KCNQ1OT1: variants seen among roughly 807,000 people sequenced by gnomAD.
KCNQ1OT1 encodes the protein KCNQ1 antisense RNA 2 (non-protein coding).
At chr11:2,616,713 C>A in exon 1 of KCNQ1OT1, 1 of 398,142 alleles carries the variant, frequency 2.5e-6, no homozygotes, top group Non-Finnish European at 4.4e-6. Context: ...TCTTCTGTTA[C>A]AGATTTCTGG....
rs1250757750 is a variant in KCNQ1OT1, at chr11:2,651,918, TCTC to T, written n.48074_48076del. 7.5e-6 allele frequency: 3 copies of T among 398,732 alleles called. No homozygotes were observed. The highest frequency in any genetic ancestry group is 3.6e-5 in the East Asian group (1 of 28,072). The allele number at this position is 398,732 out of a possible 1,614,324, so 24.7% of individuals were successfully genotyped here. On this transcript the variant is annotated non_coding_transcript_exon_variant, in exon 1 of 1. Coordinates refer to ENST00000597346, the Ensembl canonical transcript of KCNQ1OT1. This position sits in a 1 kb window ranked among gnomAD's most constrained non-coding sequence, Gnocchi z 6.1. ...CGAGGGTCCCTCTGGGGCCGCTTGC[TCTC>T]CTCCTACTCACAGCCCTCCTGCAGC...
chr11:2,666,124 C>T (rs1014192564), exon 1 of KCNQ1OT1: 1 of 398,560 alleles, frequency 2.5e-6, no homozygotes, highest in East Asian at 3.6e-5. Flanking sequence ...TGAAGGGCCC[C>T]TGTCTCTTCT....
chr11:2,630,846 T>A (rs771804438), exon 1 of KCNQ1OT1: 1 of 398,424 alleles, frequency 2.5e-6, no homozygotes, highest in African/African-American at 2.1e-5. Context: ...ACAGCTTTGC[T>A]GTGTAAAGTA....
At chr11:2,662,541 T>G in exon 1 of KCNQ1OT1, 1 of 428,172 alleles carries the variant, frequency 2.3e-6, no homozygotes, top group East Asian at 3.3e-5. Flanking sequence ...TTTCCACGCC[T>G]TCCAGTTGGC....
exon 1 of KCNQ1OT1, chr11:2,635,711 T>A (rs1849453668): frequency 6.6e-6 from 1 of 152,342 alleles, no homozygotes; most frequent in East Asian, 1.9e-4. Flanking sequence ...TTTTTCCAAT[T>A]CTGTGAAGAA....
In KCNQ1OT1 at chr11:2,683,350, CCTGCCACTGCTGT is replaced by C; in HGVS notation, n.16632_16644del. The C allele has an allele frequency of 2.5e-6, 1 of 398,592 alleles. No individual in the cohort carries two copies. Among genetic ancestry groups the C allele is most frequent in the Non-Finnish European group, 4.4e-6 (1 of 226,062 alleles). 24.7% of individuals were successfully genotyped at this position (398,592 alleles called of 1,614,324 possible). ...CCCCGCTCAACACTAGGCCACTGTG[CCTGCCACTGCTGT>C]CTGCAAATGCAGGTTCCTGGGGCTC... On this transcript the variant is annotated non_coding_transcript_exon_variant, in exon 1 of 1. Coordinates refer to ENST00000597346, the Ensembl canonical transcript of KCNQ1OT1. This position sits in a 1 kb window ranked among gnomAD's most constrained non-coding sequence, Gnocchi z 4.7.
At position 2,657,592 on chromosome 11, in the gene KCNQ1OT1, A is replaced by G. The variant is rs778357387; in HGVS notation, n.42403T>C. On this transcript the variant is annotated non_coding_transcript_exon_variant, in exon 1 of 1. Coordinates refer to ENST00000597346, the Ensembl canonical transcript of KCNQ1OT1. This position sits in a 1 kb window ranked among gnomAD's most constrained non-coding sequence, Gnocchi z 4.8. ...CATCTTATATAACCATGGTACATTG[A>G]CCAAAACTAAAAAATTAACATTGGT... The G allele has an allele frequency of 1.3e-5, 5 of 398,608 alleles. No individual in the cohort carries two copies. The highest frequency in any genetic ancestry group is 2.2e-5 in the Non-Finnish European group (5 of 226,056). The allele number at this position is 398,608 out of a possible 1,614,324, so 24.7% of individuals were successfully genotyped here. A position where few individuals can be genotyped will look rare whatever the true frequency, so the allele number is the denominator to read the frequency against.
At chr11:2,640,638 T>C in exon 1 of KCNQ1OT1, 1 of 398,328 alleles carries the variant, frequency 2.5e-6, no homozygotes, top group East Asian at 3.6e-5. Flanking sequence ...GAATGTGTAA[T>C]GATCAAGTCA....
chr11:2,665,761 C>A, exon 1 of KCNQ1OT1: 1 of 398,454 alleles, frequency 2.5e-6, no homozygotes, highest in South Asian at 1.3e-4. Context: ...ATGGAGAAGC[C>A]CTAGGATTGC....
chr11:2,683,446 G>C lies in KCNQ1OT1; in HGVS notation n.16549C>G, dbSNP rs1475277019. The C allele has an allele frequency of 1.3e-5, 5 of 398,434 alleles. No individual in the cohort carries two copies. The highest frequency in any genetic ancestry group is 2.2e-5 in the Non-Finnish European group (5 of 226,074). The allele number at this position is 398,434 out of a possible 1,614,324, so 24.7% of individuals were successfully genotyped here. On this transcript the variant is annotated non_coding_transcript_exon_variant, in exon 1 of 1. Transcript: ENST00000597346. This position sits in a 1 kb window ranked among gnomAD's most constrained non-coding sequence, Gnocchi z 4.7. ...AGGAATGGGTAACTGGAAAAATGTA[G>C]GAATTACATATGATTCCATCAATGA...
In KCNQ1OT1 at chr11:2,647,672, T is replaced by C. The variant is rs755669651; in HGVS notation, n.52323A>G. 10 of 398,424 alleles carry C rather than the reference T, an allele frequency of 2.5e-5. No homozygotes were observed. The highest frequency in any genetic ancestry group is 4.0e-5 in the Non-Finnish European group (9 of 226,048). 24.7% of individuals were successfully genotyped at this position (398,424 alleles called of 1,614,324 possible). On this transcript the variant is annotated non_coding_transcript_exon_variant, in exon 1 of 1. Transcript: ENST00000597346. The surrounding 1 kb of genome is among the most constrained non-coding windows in gnomAD (Gnocchi z 4.0). Reference sequence around the variant, plus strand: ...GACTTTATTACTGATACAATCTCATTCCTTGTTATTGCTCTGTTCAGATTT... The same window carrying C: ...GACTTTATTACTGATACAATCTCATCCCTTGTTATTGCTCTGTTCAGATTT...
chr11:2,685,640 G>C (rs1042707751), exon 1 of KCNQ1OT1: 4 of 398,598 alleles, frequency 1.0e-5, no homozygotes, highest in African/African-American at 8.2e-5. Flanking sequence ...AGGGTTGAGG[G>C]GACAAGCCCA....
Position 2,679,406 on chromosome 11 carries a change from C to A in KCNQ1OT1, n.20589G>T. Reference sequence around the variant, plus strand: ...GTTTCTTTATTTGTAAAATGGGAATCATAAGAGTACCTTCCTCAGAGGGTT... The same window carrying A: ...GTTTCTTTATTTGTAAAATGGGAATAATAAGAGTACCTTCCTCAGAGGGTT... On this transcript the variant is annotated non_coding_transcript_exon_variant, in exon 1 of 1. Coordinates refer to ENST00000597346, the Ensembl canonical transcript of KCNQ1OT1. This position sits in a 1 kb window ranked among gnomAD's most constrained non-coding sequence, Gnocchi z 4.8. 2.5e-6 allele frequency: 1 copy of A among 398,578 alleles called. No individual in the cohort carries two copies. The highest frequency in any genetic ancestry group is 1.3e-4 in the South Asian group (1 of 7,844). 24.7% of individuals were successfully genotyped at this position (398,578 alleles called of 1,614,324 possible).
chr11:2,661,595 A>G lies in KCNQ1OT1; in HGVS notation n.38400T>C. The G allele has an allele frequency of 1.7e-6, 1 of 571,576 alleles. No homozygotes were observed. The highest frequency in any genetic ancestry group is 3.1e-6 in the Non-Finnish European group (1 of 321,452). The allele number at this position is 571,576 out of a possible 1,614,324, so 35.4% of individuals were successfully genotyped here. A position where few individuals can be genotyped will look rare whatever the true frequency, so the allele number is the denominator to read the frequency against. On this transcript the variant is annotated non_coding_transcript_exon_variant, in exon 1 of 1. Transcript: ENST00000597346. The surrounding 1 kb of genome is among the most constrained non-coding windows in gnomAD (Gnocchi z 5.9). ...ATGGTGGTGGGAGCTGTTGTCCCTT[A>G]CCAGGCCTGTGCCTGTCACCTCTGT...
chr11:2,685,753 G>A (rs1004509363), exon 1 of KCNQ1OT1: 15 of 398,718 alleles, frequency 3.8e-5, no homozygotes, highest in African/African-American at 2.7e-4. Flanking sequence ...CAGCAGGCAG[G>A]CATCCTCCCA....
rs1443875891 is a variant in KCNQ1OT1 at position 2,677,946 on chromosome 11, G to A, written n.22049C>T. 7.5e-6 allele frequency: 3 copies of A among 398,386 alleles called. No homozygotes were observed. The highest frequency in any genetic ancestry group is 1.3e-5 in the Non-Finnish European group (3 of 226,042). The allele number at this position is 398,386 out of a possible 1,614,324, so 24.7% of individuals were successfully genotyped here. ...TTCATTCATTTCATAGATGAGAAAT[G>A]GTACACTGGAGCTTTAATTTACATT... On this transcript the variant is annotated non_coding_transcript_exon_variant, in exon 1 of 1. Transcript: ENST00000597346. The surrounding 1 kb of genome is among the most constrained non-coding windows in gnomAD (Gnocchi z 4.5).
exon 1 of KCNQ1OT1, chr11:2,638,430 A>T (rs1344358148): frequency 6.6e-6 from 1 of 152,150 alleles, no homozygotes; most frequent in Non-Finnish European, 1.5e-5. Flanking sequence ...TCCTTCACTT[A>T]TGAAGCTTAG....
At chr11:2,625,798 T>C (rs772967888) in exon 1 of KCNQ1OT1, 8 of 398,136 alleles carry the variant, frequency 2.0e-5, no homozygotes, top group Non-Finnish European at 3.5e-5. Context: ...CTCAATCTCC[T>C]GACTTCATGA....
exon 1 of KCNQ1OT1, chr11:2,616,740 T>C (rs191121422): frequency 1.0e-5 from 4 of 398,248 alleles, no homozygotes; most frequent in African/African-American, 8.2e-5. Flanking sequence ...TATATTGTAG[T>C]TAGAGAAGAT....
Sources: allele counts gnomAD v4.1 joint callset, GRCh38; gene constraint gnomAD v4.1.1; non-coding constraint Gnocchi (gnomAD v3.1); transcripts MANE v1.5; gene names NCBI Gene and HGNC (gene_info 2026-07-23, HGNC 2026-07-21).